PHAX: variants seen among roughly 807,000 people sequenced by gnomAD.
PHAX encodes phosphorylated adapter RNA export protein.
A neutral mutation model predicts 41.6 loss-of-function variants in PHAX; 31 were observed. The observed-to-expected ratio is 0.75, with a 90% confidence interval of 0.56 to 1.01. The LOEUF (loss-of-function observed/expected upper bound fraction) is 1.01. Among genes scored for constraint, PHAX ranks in the 50% least tolerant of loss-of-function variants. PHAX has a pLI of 0.00. For missense variants in PHAX, 453 were observed against 472.9 expected (o/e 0.96, Z 0.39); for synonymous variants, 175 against 164.9 (o/e 1.06, Z -0.47).
intron 3 of PHAX, among the ~76,000 whole-genome samples, chr5:126,609,950 T>C (rs2112832233): frequency 6.6e-6 from 1 of 152,242 alleles, no homozygotes; most frequent in African/African-American, 2.4e-5. Flanking sequence ...TTGCCTAGGC[T>C]GGTTGAGAAC....
chr5:126,619,409 C>T (rs966898505), intron 4 of PHAX, among the ~76,000 whole-genome samples: 6 of 151,960 alleles, frequency 3.9e-5, no homozygotes, highest in Admixed American at 6.6e-5. Context: ...GAAACCCCGA[C>T]CCTACTCAAT....
chr5:126,601,887 G>A (rs1048876603), intron 1 of PHAX, among the ~76,000 whole-genome samples: 3 of 152,168 alleles, frequency 2.0e-5, no homozygotes, highest in Non-Finnish European at 4.4e-5. Flanking sequence ...GGCTGGTCTC[G>A]AACTCCTGAC....
intron 2 of PHAX, among the ~76,000 whole-genome samples, chr5:126,605,888 G>A (rs1439425840): frequency 6.6e-6 from 1 of 152,148 alleles, no homozygotes; most frequent in Non-Finnish European, 1.5e-5. Context: ...ATATTTTACA[G>A]ATAATATTCA....
At chr5:126,611,033 GT>G (rs1219547747) in intron 3 of PHAX, among the ~76,000 whole-genome samples, 12 of 139,460 alleles carry the variant, frequency 8.6e-5, no homozygotes, top group Admixed American at 5.1e-4. Flanking sequence ...TTTTTTTTTT[GT>G]TTTTTTTCTT....
At chr5:126,612,150 T>C (rs1340510576) in intron 3 of PHAX, among the ~76,000 whole-genome samples, 1 of 152,054 alleles carries the variant, frequency 6.6e-6, no homozygotes, top group Admixed American at 6.6e-5. Flanking sequence ...ATGCAAAAAA[T>C]CCATAATGGA....
At chr5:126,618,094 C>G (rs1318706044) in intron 4 of PHAX, among the ~76,000 whole-genome samples, 5 of 151,568 alleles carry the variant, frequency 3.3e-5, no homozygotes, top group Admixed American at 2.0e-4. Flanking sequence ...ACTGGGAGTA[C>G]AGGCATATGC....
chr5:126,606,847 G>A (rs1453642767), intron 2 of PHAX, among the ~76,000 whole-genome samples: 1 of 152,020 alleles, frequency 6.6e-6, no homozygotes, highest in Non-Finnish European at 1.5e-5. Flanking sequence ...AGTAGAGACA[G>A]GGTTTCACCT....
intron 3 of PHAX, among the ~76,000 whole-genome samples, chr5:126,611,492 G>A (rs1288939358): frequency 6.6e-6 from 1 of 151,602 alleles, no homozygotes; most frequent in African/African-American, 2.4e-5. Context: ...ATAACTTCAA[G>A]TATGTTAAAA....
intron 4 of PHAX, among the ~76,000 whole-genome samples, chr5:126,617,721 C>T (rs973347078): frequency 1.4e-4 from 21 of 152,060 alleles, no homozygotes; most frequent in East Asian, 3.9e-4. Flanking sequence ...TCAAGCAGTC[C>T]GCCCGTCTCG....
At chr5:126,615,153 T>A (rs970943168) in intron 3 of PHAX, among the ~76,000 whole-genome samples, 2 of 152,124 alleles carry the variant, frequency 1.3e-5, no homozygotes, top group South Asian at 4.1e-4. Flanking sequence ...TTATCAAGTA[T>A]GTAGAGAGCC....
intron 4 of PHAX, among the ~76,000 whole-genome samples, chr5:126,623,365 A>G (rs182114484): frequency 7.6e-4 from 116 of 152,252 alleles, no homozygotes; most frequent in African/African-American, 2.7e-3. Flanking sequence ...GTAGCCCTGT[A>G]ATCTTGTGCC....
intron 3 of PHAX, among the ~76,000 whole-genome samples, chr5:126,612,670 C>G (rs1421382524): frequency 6.6e-6 from 1 of 152,082 alleles, no homozygotes; most frequent in African/African-American, 2.4e-5. Flanking sequence ...CATTGGACTC[C>G]AGCCTGGGCA....
intron 3 of PHAX, among the ~76,000 whole-genome samples, chr5:126,609,675 T>C (rs932967892): frequency 6.6e-6 from 1 of 151,968 alleles, no homozygotes; most frequent in Non-Finnish European, 1.5e-5. Context: ...AGTGTTCATT[T>C]TGGTTCACTT....
chr5:126,622,275 A>C (rs1752283496), intron 4 of PHAX, among the ~76,000 whole-genome samples: 1 of 151,956 alleles, frequency 6.6e-6, no homozygotes, highest in African/African-American at 2.4e-5. Flanking sequence ...CTTGGATTAT[A>C]GGCTCGCACC....
intron 1 of PHAX, among the ~76,000 whole-genome samples, chr5:126,602,103 G>T (rs1372521822): frequency 6.6e-6 from 1 of 151,722 alleles, no homozygotes; most frequent in Non-Finnish European, 1.5e-5. Flanking sequence ...GAGCCACCTC[G>T]CCCGGCCTAA....
intron 4 of PHAX, among the ~76,000 whole-genome samples, chr5:126,623,639 G>A (rs1193587763): frequency 1.3e-5 from 2 of 152,038 alleles, no homozygotes; most frequent in Non-Finnish European, 2.9e-5. Context: ...ATATTCTGAA[G>A]TTTCCCCTTA....
chr5:126,618,752 G>A (rs960538561), intron 4 of PHAX, among the ~76,000 whole-genome samples: 3 of 150,164 alleles, frequency 2.0e-5, no homozygotes, highest in South Asian at 2.1e-4. Context: ...TCTGCCTCCC[G>A]GGTTCAAGCA....
intron 3 of PHAX, among the ~76,000 whole-genome samples, chr5:126,616,071 A>G (rs1200814888): frequency 6.0e-5 from 8 of 133,292 alleles, no homozygotes; most frequent in African/African-American, 2.4e-4. Flanking sequence ...TTTTTGAAAT[A>G]GAGGTTTGCA....
At chr5:126,611,424 A>G (rs111660480) in intron 3 of PHAX, among the ~76,000 whole-genome samples, 6,688 of 152,232 alleles carry the variant, frequency 0.044, 289 homozygotes, top group African/African-American at 0.11. Context: ...GCACTGTTCT[A>G]GAGGAGGGAG....
Sources: allele counts gnomAD v4.1 joint callset (sites outside exome capture counted in the v4.1 genomes callset), GRCh38; gene constraint gnomAD v4.1.1; transcripts MANE v1.5; gene names NCBI Gene and HGNC (gene_info 2026-07-23, HGNC 2026-07-21).